Variants in BPNT1 observed in about 807,000 individuals in gnomAD.
BPNT1 encodes the protein 3'(2'),5'-bisphosphate nucleotidase 1.
In BPNT1, 28 loss-of-function variants were observed where a neutral mutation model predicts 36.9. The observed-to-expected ratio is 0.76, with a 90% CI of 0.56 to 1.04. The LOEUF (loss-of-function observed/expected upper bound fraction) is 1.04, where lower values mean the gene tolerates loss of function less well. Among genes scored for constraint, BPNT1 ranks in the 50% least tolerant of loss-of-function variants. BPNT1 has a pLI of 0.00. For missense variants in BPNT1, 313 were observed against 372.9 expected (o/e 0.84, Z 1.32); for synonymous variants, 119 against 130.9 (o/e 0.91, Z 0.62).
chr1:220,074,678 TAG>T (rs1210420561), intron 2 of BPNT1, among the ~76,000 whole-genome samples: 1 of 151,434 alleles, frequency 6.6e-6, no homozygotes, highest in African/African-American at 2.4e-5. Context: ...TGTATCTTAG[TAG>T]AGACAGGGAT....
chr1:220,088,478 CAAAA>C (rs58383315), intron 1 of BPNT1, among the ~76,000 whole-genome samples: 165 of 65,522 alleles, frequency 2.5e-3, no homozygotes, highest in African/African-American at 9.9e-3. Context: ...GACTCCGACT[CAAAA>C]AAAAAAAAAA....
chr1:220,060,827 A>G (rs1662958829), intron 7 of BPNT1, among the ~76,000 whole-genome samples: 1 of 152,176 alleles, frequency 6.6e-6, no homozygotes, highest in Non-Finnish European at 1.5e-5. Flanking sequence ...TCAATCAAAT[A>G]CATTTAAGAA....
intron 7 of BPNT1, among the ~76,000 whole-genome samples, chr1:220,060,814 A>T (rs543707746): frequency 6.6e-6 from 1 of 152,294 alleles, no homozygotes; most frequent in South Asian, 2.1e-4. Flanking sequence ...GAGGCATGAG[A>T]CATCAATCAA....
At chr1:220,078,376 T>C (rs1319843621) in intron 2 of BPNT1, among the ~76,000 whole-genome samples, 5 of 143,516 alleles carry the variant, frequency 3.5e-5, no homozygotes, top group Admixed American at 2.9e-4. Context: ...AACTATTAAT[T>C]ATATAGAATT....
chr1:220,073,022 C>G, intron 3 of BPNT1, 65 bp from the exon 4 acceptor site: 1 of 1,242,200 alleles, frequency 8.1e-7, no homozygotes, highest in Non-Finnish European at 1.2e-6. Context: ...TGCTTTGTCT[C>G]ATTAACAGAA....
intron 5 of BPNT1, among the ~76,000 whole-genome samples, chr1:220,069,107 T>G (rs911273538): frequency 6.6e-6 from 1 of 152,198 alleles, no homozygotes; most frequent in Non-Finnish European, 1.5e-5. Flanking sequence ...ATAGTCATTT[T>G]GGTAACACTG....
chr1:220,078,862 C>G (rs1664847558), intron 2 of BPNT1, among the ~76,000 whole-genome samples: 1 of 152,144 alleles, frequency 6.6e-6, no homozygotes, highest in Admixed American at 6.6e-5. Flanking sequence ...TCCCAAAGTG[C>G]TAGGATTAAG....
intron 8 of BPNT1, among the ~76,000 whole-genome samples, chr1:220,059,246 T>TC (rs1662792714): frequency 9.8e-6 from 1 of 102,436 alleles, no homozygotes; most frequent in Admixed American, 9.8e-5. Flanking sequence ...TTCTTTTCTT[T>TC]TTTTTTTTTT....
chr1:220,079,067 A>G (rs532132846), intron 2 of BPNT1, among the ~76,000 whole-genome samples: 2 of 152,290 alleles, frequency 1.3e-5, no homozygotes, highest in Non-Finnish European at 2.9e-5. Context: ...CACTTTGATT[A>G]TAACAAATAT....
chr1:220,073,182 T>C (rs531367337), intron 3 of BPNT1, among the ~76,000 whole-genome samples: 1 of 152,310 alleles, frequency 6.6e-6, no homozygotes, highest in Non-Finnish European at 1.5e-5. Flanking sequence ...CTGAAGAGAG[T>C]TTAAAAAGAA....
At chr1:220,076,761 T>A (rs1026269499) in intron 2 of BPNT1, among the ~76,000 whole-genome samples, 3 of 151,312 alleles carry the variant, frequency 2.0e-5, no homozygotes, top group African/African-American at 4.8e-5. Context: ...GCAGCAGTAT[T>A]ATTTCGTTGG....
Position 220,067,381 on chromosome 1 carries a change from T to C in BPNT1, c.395A>G (p.Asn132Ser). 1 of 1,607,832 alleles carries C rather than the reference T, an allele frequency of 6.2e-7. No homozygotes were observed. Among genetic ancestry groups the C allele is most frequent in the Non-Finnish European group, 8.5e-7 (1 of 1,176,552 alleles). ...AGCAATTCCAATAAGAACTGTTACA[T>C]TGTCAAGAAGACCTGCAAAGAAGAA... is the stretch of plus-strand genomic sequence containing the variant. ...TKEYTEGLLD[N>S]VTVLIGIAYE... Residue 132 changes from asparagine to serine, a missense_variant, in exon 6 of 9, where the codon AAT becomes AGT. Coordinates refer to ENST00000322067, the MANE Select transcript of BPNT1 (RefSeq NM_006085.6).
chr1:220,082,083 TATAG>T (rs58431337), intron 1 of BPNT1, among the ~76,000 whole-genome samples: 11,448 of 109,834 alleles, frequency 0.1, 400 homozygotes, highest in Non-Finnish European at 0.14. Context: ...TATATATATA[TATAG>T]AGAGAGAGAG....
chr1:220,080,206 A>G (rs1036455261), intron 1 of BPNT1, among the ~76,000 whole-genome samples: 6 of 152,202 alleles, frequency 3.9e-5, no homozygotes, highest in Admixed American at 3.3e-4. Context: ...ATGAGATGTA[A>G]GATTTGTGTT....
Position 220,058,781 on chromosome 1 carries a change from G to A in BPNT1, c.*63C>T, listed in dbSNP as rs1254315327. On this transcript the variant is annotated 3_prime_UTR_variant, in exon 9 of 9. Transcript: ENST00000322067. ...TGAGCTCAAGTGATCCACCTGCCTC[G>A]GCCTCCCAAAGTGCTGGGATTACAG... is the stretch of plus-strand genomic sequence containing the variant. 1.3e-5 allele frequency: 19 copies of A among 1,489,216 alleles called. No individual in the cohort carries two copies. The East Asian group carries it at 1.6e-4, about 13-fold the overall frequency. 92.3% of individuals were successfully genotyped at this position (1,489,216 alleles called of 1,614,324 possible).
At chr1:220,062,560 T>C (rs1317074101) in intron 7 of BPNT1, among the ~76,000 whole-genome samples, 197 bp downstream of exon 7, 2 of 152,076 alleles carry the variant, frequency 1.3e-5, no homozygotes, top group Non-Finnish European at 2.9e-5. Flanking sequence ...ACATTTGGGT[T>C]GGTTCCAAGT....
Position 220,079,712 on chromosome 1 carries a change from T to C in BPNT1, c.120+15A>G, listed in dbSNP as rs1345537258. ...AAAATCAAGTTGGTATGAAATGATA[T>C]GAGAGTTTGAGTACCTTCTCCACAA... On this transcript the variant is annotated intron_variant, in intron 2 of 8. Transcript: ENST00000322067. 3.7e-6 allele frequency: 6 copies of C among 1,613,512 alleles called. No homozygotes were observed. Among genetic ancestry groups the C allele is most frequent in the Admixed American group, 3.3e-5 (2 of 59,848 alleles).
chr1:220,073,042 C>T (rs893940214), intron 3 of BPNT1, 85 bp from the exon 4 acceptor site: 30 of 1,098,298 alleles, frequency 2.7e-5, no homozygotes, highest in Non-Finnish European at 3.9e-5. Flanking sequence ...AGAAATGCAG[C>T]ATCACAGTTT....
chr1:220,066,462 C>T (rs1182604456), intron 6 of BPNT1, among the ~76,000 whole-genome samples: 1 of 152,064 alleles, frequency 6.6e-6, no homozygotes, highest in East Asian at 1.9e-4. Context: ...CAGGAAAAAA[C>T]AAATTTATAT....
Sources: allele counts gnomAD v4.1 joint callset (sites outside exome capture counted in the v4.1 genomes callset), GRCh38; gene constraint gnomAD v4.1.1; transcripts MANE v1.5; gene names NCBI Gene and HGNC (gene_info 2026-07-23, HGNC 2026-07-21).